The following DKK3 variants were observed in gnomAD, a reference collection of about 807,000 sequenced individuals.
DKK3 encodes the protein dickkopf-related protein 3.
In DKK3, 22 loss-of-function variants were observed where a neutral mutation model predicts 33.2. The observed-to-expected ratio is 0.66, with a 90% confidence interval of 0.47 to 0.95. The LOEUF (loss-of-function observed/expected upper bound fraction) is 0.95. DKK3 is among the 40% of genes least tolerant of loss of function. The probability of loss-of-function intolerance (pLI) is 0.00; values close to 1 mark genes in which losing one functional copy is unlikely to be tolerated. For missense variants in DKK3, 398 were observed against 458.4 expected, an observed-to-expected ratio of 0.87 and a Z score of 1.20; for synonymous variants, 194 against 188.8, an observed-to-expected ratio of 1.03 and a Z score of -0.23.
intron 2 of DKK3, 40 bp downstream of exon 2, chr11:12,002,260 T>G: frequency 6.3e-7 from 1 of 1,597,494 alleles, no homozygotes; most frequent in Non-Finnish European, 8.6e-7. Flanking sequence ...CTGATGGGAC[T>G]GGACGCTATA....
At chr11:11,983,971 C>T (rs1403729734) in intron 3 of DKK3, among the ~76,000 whole-genome samples, 1 of 152,198 alleles carries the variant, frequency 6.6e-6, no homozygotes. Context: ...GTCTTATCTA[C>T]AATGGTGGGG....
intron 2 of DKK3, among the ~76,000 whole-genome samples, chr11:12,000,845 T>C (rs1249414316): frequency 1.3e-5 from 2 of 152,162 alleles, no homozygotes; most frequent in African/African-American, 4.8e-5. Context: ...TGAAGCCCAG[T>C]TGAGAACTAC....
Position 11,999,839 on chromosome 11 carries a change from C to G in DKK3, c.352-1060G>C, listed in dbSNP as rs1848386429. Among the ~76,000 whole-genome samples, 5 of 152,232 alleles carry G rather than the reference C, an allele frequency of 3.3e-5. No individual in the cohort carries two copies. In the South Asian group the frequency reaches 1.0e-3, roughly 32 times the overall value. ...CTGCCAGCTCTAATATCACAGGAAT[C>G]TGCAGCCAGGACAAAGTGGAAACTC... On this transcript the variant is annotated intron_variant, in intron 2 of 6. Coordinates refer to ENST00000683431, the MANE Select transcript of DKK3 (RefSeq NM_001018057.2).
At chr11:12,009,143 C>T, upstream of DKK3, 24 of 985,478 alleles carry the variant, frequency 2.4e-5, no homozygotes, top group Non-Finnish European at 2.9e-5. Flanking sequence ...GCAGAGTCGT[C>T]CCCTCCCCCG....
chr11:11,965,737 G>C, intron 6 of DKK3, 72 bp downstream of exon 6: 2 of 1,543,304 alleles, frequency 1.3e-6, no homozygotes, highest in Non-Finnish European at 1.7e-6. Context: ...ACCTGCTCCT[G>C]CTCCTACGCC....
In DKK3 at chr11:11,964,034, T is replaced by C. The variant is rs1847520071; in HGVS notation, c.*430A>G. On this transcript the variant is annotated 3_prime_UTR_variant, in exon 7 of 7. Transcript: ENST00000683431. ...CCATGGAAAGAACTGCGTGGAAAAT[T>C]CATTTGTTGCATTTTTGCCAGGTTG... 5.5e-6 allele frequency: 1 copy of C among 183,118 alleles called. No individual in the cohort carries two copies. Among genetic ancestry groups the C allele is most frequent in the Non-Finnish European group, 1.1e-5 (1 of 87,024 alleles). The allele number at this position is 183,118 out of a possible 1,614,324, so 11.3% of individuals were successfully genotyped here.
At chr11:11,988,008 T>C (rs1848106835) in intron 3 of DKK3, among the ~76,000 whole-genome samples, 1 of 152,204 alleles carries the variant, frequency 6.6e-6, no homozygotes, top group Admixed American at 6.5e-5. Flanking sequence ...CTCCTACTTG[T>C]AAAATACCCT....
chr11:11,977,638 C>A (rs113944692), intron 3 of DKK3, among the ~76,000 whole-genome samples: 22 of 152,342 alleles, frequency 1.4e-4, no homozygotes, highest in African/African-American at 2.9e-4. Flanking sequence ...GACCACCTAT[C>A]CAAAGGCACG....
At chr11:11,966,116 A>G (rs1847588492) in intron 5 of DKK3, 151 bp from the exon 6 acceptor site, 6 of 987,558 alleles carry the variant, frequency 6.1e-6, no homozygotes, top group Non-Finnish European at 8.6e-6. Flanking sequence ...ACAGGAAACA[A>G]GAATAGCAGC....
chr11:11,965,746 C>A lies in DKK3; in HGVS notation c.830+63G>T, dbSNP rs1223005171. On this transcript the variant is annotated intron_variant, in intron 6 of 6. Transcript: ENST00000683431. ...GGGAAAACCTGCTCCTGCTCCTACG[C>A]CCCTGCTGGATGGCACCTCCTCAGC... The A allele has an allele frequency of 7.0e-6, 11 of 1,573,688 alleles. No homozygotes were observed. The South Asian group carries it at 1.0e-4, about 15-fold the overall frequency.
At position 12,002,118 on chromosome 11, in the gene DKK3, G is replaced by A. The variant is rs903632418; in HGVS notation, c.351+182C>T. 3 of 649,212 alleles carry A rather than the reference G, an allele frequency of 4.6e-6. No homozygotes were observed. The African/African-American group carries it at 5.4e-5, about 12-fold the overall frequency. 40.2% of individuals were successfully genotyped at this position (649,212 alleles called of 1,614,324 possible). A position where few individuals can be genotyped will look rare whatever the true frequency, so the allele number is the denominator to read the frequency against. On this transcript the variant is annotated intron_variant, in intron 2 of 6. Transcript: ENST00000683431. Reference sequence around the variant, plus strand: ...AAATGCAAAAGCAGTTTAGGATCCTGATACATTGTCTCTCCACTTTCAACA... The same window carrying A: ...AAATGCAAAAGCAGTTTAGGATCCTAATACATTGTCTCTCCACTTTCAACA...
At chr11:12,001,538 C>T (rs573264741) in intron 2 of DKK3, 5 of 152,330 alleles carry the variant, frequency 3.3e-5, no homozygotes, top group Admixed American at 3.3e-4. Flanking sequence ...ATATTCACAA[C>T]GGGATGCTCA....
chr11:12,008,335 C>T lies in DKK3; in HGVS notation c.213+35G>A. The T allele has an allele frequency of 6.3e-7, 1 of 1,582,750 alleles. No homozygotes were observed. The highest frequency in any genetic ancestry group is 8.5e-7 in the Non-Finnish European group (1 of 1,170,122). ...AGACTTCGCTGCCCCCAGTCTGGCG[C>T]TTCTCAGAGCCCCGCGCCGCCAGGG... On this transcript the variant is annotated intron_variant, in intron 1 of 6. Transcript: ENST00000683431. The surrounding 1 kb of genome is among the most constrained non-coding windows in gnomAD (Gnocchi z 4.6).
rs1478769380 is a variant in DKK3, at chr11:12,002,285, C to T, written c.351+15G>A. On this transcript the variant is annotated intron_variant, in intron 2 of 6. Coordinates refer to ENST00000683431, the MANE Select transcript of DKK3 (RefSeq NM_001018057.2). ...TGGACGCTATAGAAAGGAGGAAGTG[C>T]TGGCCATGACTTACCTTGTGAATTT... The T allele has an allele frequency of 6.2e-7, 1 of 1,608,820 alleles. No homozygotes were observed.
chr11:12,003,058 T>C (rs1462784262), intron 1 of DKK3, among the ~76,000 whole-genome samples: 1 of 152,248 alleles, frequency 6.6e-6, no homozygotes, highest in Non-Finnish European at 1.5e-5. Flanking sequence ...TCCAGTGGGA[T>C]GGAGCCCTAG....
rs532342485 is a variant in DKK3, at chr11:11,971,260, AC to A, written c.436-2774del. 6.1e-3 allele frequency among the ~76,000 whole-genome samples: 934 copies of A among 152,360 alleles called. 8 individuals carry two copies. The highest frequency in any genetic ancestry group is 8.9e-3 in the Non-Finnish European group (606 of 68,044). On this transcript the variant is annotated intron_variant, in intron 3 of 6. Transcript: ENST00000683431. ...GAACTGATTATTGTACAGTCATTTC[AC>A]AGAAAAATCCCTCCATGCAGACATT... is the stretch of plus-strand genomic sequence containing the variant.
At chr11:11,979,584 G>C (rs562358584) in intron 3 of DKK3, 5 of 152,434 alleles carry the variant, frequency 3.3e-5, no homozygotes, top group African/African-American at 1.2e-4. Flanking sequence ...CAGGAAGTTG[G>C]TGAGGAGGGA....
intron 3 of DKK3, among the ~76,000 whole-genome samples, chr11:11,970,771 G>C (rs868052908): frequency 3.3e-4 from 51 of 152,326 alleles, no homozygotes; most frequent in Middle Eastern, 3.4e-3. Flanking sequence ...AGATGGAAGG[G>C]GGGCCAGGGG....
chr11:11,972,534 T>G (rs1018906684), intron 3 of DKK3, among the ~76,000 whole-genome samples: 15 of 152,138 alleles, frequency 9.9e-5, no homozygotes, highest in Non-Finnish European at 2.1e-4. Flanking sequence ...CCAGTAAAGC[T>G]GTTTGTATTG....
Sources: allele counts gnomAD v4.1 joint callset (sites outside exome capture counted in the v4.1 genomes callset), GRCh38; gene constraint gnomAD v4.1.1; non-coding constraint Gnocchi (gnomAD v3.1); transcripts MANE v1.5; gene names NCBI Gene and HGNC (gene_info 2026-07-23, HGNC 2026-07-21).